Variants in PKD2L1 observed in about 807,000 individuals in gnomAD.
PKD2L1 encodes the protein polycystin-2-like protein 1.
In PKD2L1, 77 loss-of-function variants were observed where a neutral mutation model predicts 93.0. That is an observed-to-expected ratio of 0.83 (90% CI 0.69 to 1.00). PKD2L1 has a LOEUF of 1.00. Among genes scored for constraint, PKD2L1 ranks in the 50% least tolerant of loss-of-function variants. PKD2L1 has a pLI of 0.00. For missense variants in PKD2L1, 977 were observed against 990.9 expected (o/e 0.99, Z 0.19); for synonymous variants, 390 against 388.0 (o/e 1.01, Z -0.06).
intron 2 of PKD2L1, among the ~76,000 whole-genome samples, chr10:100,322,520 T>C (rs1483539425): frequency 6.6e-6 from 1 of 151,596 alleles, no homozygotes; most frequent in African/African-American, 2.4e-5. Flanking sequence ...ATGTTATAAA[T>C]GATGAAAGTA....
rs1175181929 is a variant in PKD2L1 at position 100,290,483 on chromosome 10, A to G, written c.2044T>C (p.Ser682Pro). Reference sequence around the variant, plus strand: ...TTGCCTTGTGGGCTGCTCACAATAGATCGGCCTAGTTTCTCAATCTCAGTG... The same window carrying G: ...TTGCCTTGTGGGCTGCTCACAATAGGTCGGCCTAGTTTCTCAATCTCAGTG... Reference protein sequence around the residue: ...LNTEIEKLGRSIVSSPQGKSG... With the variant: ...LNTEIEKLGRPIVSSPQGKSG... Residue 682 changes from serine (S) to proline (P), a missense_variant, in exon 13 of 16, where the codon TCT (serine) becomes CCT (proline). Ser to Pro is a moderately conservative substitution (Grantham distance 74). Coordinates refer to ENST00000318222, the MANE Select transcript of PKD2L1 (RefSeq NM_016112.3). 6.2e-7 allele frequency: 1 copy of G among 1,613,586 alleles called. No homozygotes were observed. The highest frequency in any genetic ancestry group is 8.5e-7 in the Non-Finnish European group (1 of 1,179,976).
rs182098293 is a variant in PKD2L1 at position 100,299,306 on chromosome 10, C to A, written c.477+285G>T. Among the ~76,000 whole-genome samples, 869 of 152,220 alleles carry A rather than the reference C, an allele frequency of 5.7e-3. 9 individuals carry two copies. Among genetic ancestry groups the A allele is most frequent in the Non-Finnish European group, 7.2e-3 (489 of 68,012 alleles). ...CCAATGAACCTTGACCAGAGTCTGACCTGAAGTGGCCCTACTCTTTATTTA... is the reference window on the plus strand; with the variant it reads ...CCAATGAACCTTGACCAGAGTCTGAACTGAAGTGGCCCTACTCTTTATTTA... On this transcript the variant is annotated intron_variant, in intron 3 of 15. Transcript: ENST00000318222.
At chr10:100,299,906 G>T (rs1209314164) in intron 2 of PKD2L1, among the ~76,000 whole-genome samples, 188 bp from the exon 3 acceptor site, 1 of 152,188 alleles carries the variant, frequency 6.6e-6, no homozygotes, top group African/African-American at 2.4e-5. Flanking sequence ...GGAAAGGGTT[G>T]TAGCTACAAT....
chr10:100,320,787 T>C (rs771619396), intron 2 of PKD2L1, among the ~76,000 whole-genome samples: 7 of 152,252 alleles, frequency 4.6e-5, no homozygotes, highest in Admixed American at 2.0e-4. Context: ...TGTGACAAAA[T>C]TGATGTGATC....
intron 10 of PKD2L1, 24 bp from the exon 11 acceptor site, chr10:100,293,093 C>A (rs762034309): frequency 1.2e-6 from 2 of 1,610,540 alleles, no homozygotes; most frequent in South Asian, 2.2e-5. Flanking sequence ...GAAATAGGCA[C>A]AAGTTCTCAC....
rs1848612701 is a variant in PKD2L1 at position 100,298,828 on chromosome 10, C to G, written c.478-13G>C. 2 of 1,604,088 alleles carry G rather than the reference C, an allele frequency of 1.2e-6. No individual in the cohort carries two copies. Among genetic ancestry groups the G allele is most frequent in the East Asian group, 4.5e-5 (2 of 44,712 alleles). ...GGCCCTGGGCAAACTGAACCACAAGCTGGCTTGAACCTTACCCAGCCTCCT... is the reference window on the plus strand; with the variant it reads ...GGCCCTGGGCAAACTGAACCACAAGGTGGCTTGAACCTTACCCAGCCTCCT... On this transcript the variant is annotated splice_polypyrimidine_tract_variant and intron_variant, in intron 3 of 15. Coordinates refer to ENST00000318222, the MANE Select transcript of PKD2L1 (RefSeq NM_016112.3).
chr10:100,288,446 C>A lies in PKD2L1; in HGVS notation c.2368G>T (p.Glu790Ter), dbSNP rs770666681. 3 of 1,612,318 alleles carry A rather than the reference C, an allele frequency of 1.9e-6. No homozygotes were observed. Among genetic ancestry groups the A allele is most frequent in the Admixed American group, 3.3e-5 (2 of 59,998 alleles). Residue 790 changes from glutamate (E) to a stop codon, truncating the protein, a stop_gained, in exon 16 of 16, where the codon GAG becomes TAG. Transcript: ENST00000318222. LOFTEE classifies it low-confidence loss of function (END_TRUNC). ...TCACCACGGGAGAGTCTCCTCTCCTCTAAGGCTTCCTCTTCTCTTTTATAG... is the reference window on the plus strand; with the variant it reads ...TCACCACGGGAGAGTCTCCTCTCCTATAAGGCTTCCTCTTCTCTTTTATAG... ...VPYKREEEAL[E>*]ERRLSRGEIP...
intron 2 of PKD2L1, among the ~76,000 whole-genome samples, chr10:100,310,317 T>C (rs562323770): frequency 6.6e-6 from 1 of 152,174 alleles, no homozygotes; most frequent in African/African-American, 2.4e-5. Context: ...CCAGTCTGGG[T>C]GACAGAACAA....
chr10:100,298,520 G>T (rs1297628824), intron 4 of PKD2L1, 42 bp downstream of exon 4: 2 of 1,601,580 alleles, frequency 1.2e-6, no homozygotes, highest in Non-Finnish European at 1.7e-6. Flanking sequence ...GTCAGGTTTA[G>T]AGGGGCAAGC....
Position 100,298,590 on chromosome 10 carries a change from G to A in PKD2L1, c.703C>T (p.Leu235Phe). 6.2e-7 allele frequency: 1 copy of A among 1,614,120 alleles called. No individual in the cohort carries two copies. The highest frequency in any genetic ancestry group is 8.5e-7 in the Non-Finnish European group (1 of 1,179,994). ...DVYSPDKEEQLPFGPFNGTAW... is the reference protein window; with the variant it reads ...DVYSPDKEEQFPFGPFNGTAW... ...GTGCCATTGAAGGGCCCAAAGGGGA[G>A]TTGTTCTTCTTTGTCTGGAGAGTAG... Residue 235 changes from leucine (L) to phenylalanine (F), a missense_variant, in exon 4 of 16, where the codon CTC becomes TTC. Coordinates refer to ENST00000318222, the MANE Select transcript of PKD2L1 (RefSeq NM_016112.3).
intron 12 of PKD2L1, 131 bp downstream of exon 12, chr10:100,291,170 A>G: frequency 1.1e-6 from 1 of 929,016 alleles, no homozygotes; most frequent in South Asian, 1.7e-5. Flanking sequence ...CAGTTTGGGA[A>G]CTACTATTCT....
rs552226883 is a variant in PKD2L1 at position 100,319,560 on chromosome 10, T to C, written c.349+9651A>G. On this transcript the variant is annotated intron_variant, in intron 2 of 15. Transcript: ENST00000318222. Reference sequence around the variant, plus strand: ...CTCCTTTCTTTGTTGATTCTAGAAATACTGTCAAGCTTTCTTGACAAGCTC... The same window carrying C: ...CTCCTTTCTTTGTTGATTCTAGAAACACTGTCAAGCTTTCTTGACAAGCTC... Among the ~76,000 whole-genome samples the C allele has an allele frequency of 3.3e-5, 5 of 152,364 alleles. No individual in the cohort carries two copies. The South Asian group carries it at 1.0e-3, about 32-fold the overall frequency.
chr10:100,296,702 G>A (rs1214218127), intron 6 of PKD2L1, among the ~76,000 whole-genome samples: 1 of 151,160 alleles, frequency 6.6e-6, no homozygotes, highest in Non-Finnish European at 1.5e-5. Context: ...AGGTCATAAA[G>A]ACAAAAGACA....
intron 2 of PKD2L1, among the ~76,000 whole-genome samples, chr10:100,301,646 T>G (rs1848679014): frequency 6.6e-6 from 1 of 152,240 alleles, no homozygotes; most frequent in Admixed American, 6.5e-5. Context: ...TCTTATCCTG[T>G]TCTCAAGGTG....
In PKD2L1 at chr10:100,296,125, G is replaced by C. The variant is rs1351994473; in HGVS notation, c.1353C>G (p.Ile451Met). The C allele has an allele frequency of 6.2e-7, 1 of 1,608,362 alleles. No homozygotes were observed. Among genetic ancestry groups the C allele is most frequent in the African/African-American group, 1.3e-5 (1 of 74,608 alleles). ...TGGGTGTGGGAATCCCAGGTACCTT[G>C]ATCCAGGCGAAGAAGAGGTTGACAG... ...MNAVNLFFAW[I>M]KIFKYISFNK... The change falls in exon 7 of 16, where the codon ATC becomes ATG. Residue 451 changes from isoleucine to methionine, a missense_variant. Physicochemically the swap from Ile to Met is conservative, Grantham distance 10. Coordinates refer to ENST00000318222, the MANE Select transcript of PKD2L1 (RefSeq NM_016112.3).
chr10:100,311,233 A>C (rs1393228256), intron 2 of PKD2L1, among the ~76,000 whole-genome samples: 1 of 152,064 alleles, frequency 6.6e-6, no homozygotes, highest in African/African-American at 2.4e-5. Flanking sequence ...CTTTGTTATC[A>C]TTTGCAGTAC....
At chr10:100,321,848 C>A (rs1849260532) in intron 2 of PKD2L1, among the ~76,000 whole-genome samples, 1 of 10,016 alleles carries the variant, frequency 1.0e-4, no homozygotes, top group African/African-American at 2.9e-4. Context: ...AGCAAGCAAG[C>A]AAGAAGGCAG....
At chr10:100,298,859 C>G (rs760465018) in intron 3 of PKD2L1, 44 bp from the exon 4 acceptor site, 2 of 1,575,676 alleles carry the variant, frequency 1.3e-6, no homozygotes, top group African/African-American at 2.7e-5. Context: ...CTCCTCCTGA[C>G]CCCCTACCTT....
At position 100,293,347 on chromosome 10, in the gene PKD2L1, A is replaced by C. The variant is rs748441682; in HGVS notation, c.1692T>G (p.Tyr564Ter). The change falls in exon 10 of 16, where the codon TAT becomes TAG. Residue 564 changes from tyrosine to a stop codon, truncating the protein, a stop_gained. Coordinates refer to ENST00000318222, the MANE Select transcript of PKD2L1 (RefSeq NM_016112.3). LOFTEE classifies it high-confidence loss of function. Reference sequence around the variant, plus strand: ...CAGCCAGCTCCTCCTTGACCTCTGAATATGTGTCATTGATGATGGCCAGGA... The same window carrying C: ...CAGCCAGCTCCTCCTTGACCTCTGACTATGTGTCATTGATGATGGCCAGGA... ...NMFLAIINDTYSEVKEELAGQ... is the reference protein window; with the variant it reads ...NMFLAIINDT 1 of 1,613,330 alleles carries C rather than the reference A, an allele frequency of 6.2e-7. No homozygotes were observed. The highest frequency in any genetic ancestry group is 8.5e-7 in the Non-Finnish European group (1 of 1,179,366).
Sources: gnomAD v4.1 joint callset for allele counts (sites outside exome capture counted in the v4.1 genomes callset) on GRCh38, gnomAD v4.1.1 for gene constraint, MANE v1.5 for transcripts, NCBI Gene and HGNC (gene_info 2026-07-23, HGNC 2026-07-21) for gene names.